The following EYA2 variants were observed in gnomAD, a reference collection of about 807,000 sequenced individuals.
EYA2 encodes protein phosphatase EYA2.
A neutral mutation model predicts 69.2 loss-of-function variants in EYA2; 31 were observed. The observed-to-expected ratio is 0.45, with a 90% CI of 0.34 to 0.60. EYA2 has a LOEUF of 0.60. EYA2 is among the 20% of genes least tolerant of loss of function. The probability of loss-of-function intolerance (pLI) is 0.02; values close to 1 mark genes in which losing one functional copy is unlikely to be tolerated. For synonymous variants in EYA2, 257 were observed against 279.4 expected, an observed-to-expected ratio of 0.92 and a Z score of 0.80; for missense variants, 622 against 701.2, an observed-to-expected ratio of 0.89 and a Z score of 1.28.
chr20:46,957,522 G>T (rs2146283275), intron 1 of EYA2, among the ~76,000 whole-genome samples: 1 of 129,996 alleles, frequency 7.7e-6, no homozygotes, highest in Non-Finnish European at 1.6e-5. Context: ...AGAGGCAGAA[G>T]GAGATTTCAC....
chr20:47,122,534 G>C (rs2033081678), intron 9 of EYA2, among the ~76,000 whole-genome samples: 1 of 151,776 alleles, frequency 6.6e-6, no homozygotes, highest in Non-Finnish European at 1.5e-5. Flanking sequence ...TCCTGACCTC[G>C]TGATCCACCT....
intron 15 of EYA2, 101 bp from the exon 16 acceptor site, chr20:47,187,952 G>T (rs1228803424): frequency 7.8e-7 from 1 of 1,286,936 alleles, no homozygotes; most frequent in Non-Finnish European, 1.1e-6. Context: ...CCACGTGCTA[G>T]ACTTAACTGG....
intron 10 of EYA2, chr20:47,161,108 A>G (rs1400310622): frequency 3.1e-6 from 1 of 321,458 alleles, no homozygotes; most frequent in Non-Finnish European, 5.8e-6. Flanking sequence ...GGGCATGGGG[A>G]CCGAGATGAT....
intron 4 of EYA2, among the ~76,000 whole-genome samples, chr20:47,015,241 A>G (rs981482101): frequency 5.3e-5 from 8 of 152,170 alleles, no homozygotes; most frequent in Non-Finnish European, 8.8e-5. Flanking sequence ...ATTTTCTACA[A>G]TGCATTCATT....
intron 1 of EYA2, among the ~76,000 whole-genome samples, chr20:46,972,309 T>C (rs1980191883): frequency 6.6e-6 from 1 of 152,054 alleles, no homozygotes; most frequent in African/African-American, 2.4e-5. Context: ...TTAAGTGTTA[T>C]ATTAGGTCAT....
chr20:46,945,056 A>T (rs1438161153), intron 1 of EYA2, among the ~76,000 whole-genome samples: 1 of 151,528 alleles, frequency 6.6e-6, no homozygotes, highest in Non-Finnish European at 1.5e-5. Context: ...GTGAGCCTAG[A>T]TCAAGCCACT....
chr20:47,161,957 C>T (rs559612071), intron 10 of EYA2, among the ~76,000 whole-genome samples: 1 of 152,324 alleles, frequency 6.6e-6, no homozygotes, highest in African/African-American at 2.4e-5. Flanking sequence ...GAGAAACTTA[C>T]TGTCCCACAG....
chr20:47,119,877 G>A (rs532923914), intron 9 of EYA2, among the ~76,000 whole-genome samples: 1 of 152,126 alleles, frequency 6.6e-6, no homozygotes, highest in African/African-American at 2.4e-5. Context: ...GACCAGCCTG[G>A]GCAACATAGT....
intron 14 of EYA2, among the ~76,000 whole-genome samples, chr20:47,182,392 A>C (rs8123207): frequency 0.55 from 81,638 of 147,572 alleles, 24,442 homozygotes; most frequent in African/African-American, 0.81. Context: ...CTTTGGGAGG[A>C]CGAGGCAGGT....
rs180842361 is a variant in EYA2, at chr20:47,037,617, G to C, written c.415+21320G>C. On this transcript the variant is annotated intron_variant, in intron 5 of 15. Transcript: ENST00000327619. Reference sequence around the variant, plus strand: ...CCTCTAGGGGAGCATCTGTTCCCTTGCCTTTTCCAACCTCCCAAGGCTGCC... The same window carrying C: ...CCTCTAGGGGAGCATCTGTTCCCTTCCCTTTTCCAACCTCCCAAGGCTGCC... 3.3e-3 allele frequency among the ~76,000 whole-genome samples: 496 copies of C among 152,216 alleles called. 6 individuals are homozygous for C. Among genetic ancestry groups the C allele is most frequent in the African/African-American group, 0.011 (450 of 41,526 alleles).
chr20:47,125,291 G>A (rs1380041604), intron 9 of EYA2, among the ~76,000 whole-genome samples: 5 of 151,954 alleles, frequency 3.3e-5, no homozygotes, highest in African/African-American at 9.6e-5. Flanking sequence ...TCCTGACCTC[G>A]TGATCCGCCC....
intron 10 of EYA2, chr20:47,161,715 G>A (rs114698599): frequency 0.015 from 2,872 of 192,898 alleles, 98 homozygotes; most frequent in African/African-American, 0.064. Context: ...CCCAAAACCG[G>A]ATGTTTTCTT....
chr20:47,094,258 T>C (rs1390708783), intron 8 of EYA2, among the ~76,000 whole-genome samples: 1 of 152,258 alleles, frequency 6.6e-6, no homozygotes, highest in Non-Finnish European at 1.5e-5. Context: ...AATTTCTAAA[T>C]TTAATTTCCT....
chr20:47,040,304 ACT>A (rs1240486367), intron 5 of EYA2, among the ~76,000 whole-genome samples: 1 of 152,212 alleles, frequency 6.6e-6, no homozygotes, highest in Non-Finnish European at 1.5e-5. Flanking sequence ...GTTTGCAAAT[ACT>A]GTTCCATAAA....
chr20:47,160,960 G>GGAC (rs1300554855), intron 10 of EYA2: 1 of 285,772 alleles, frequency 3.5e-6, no homozygotes, highest in African/African-American at 2.3e-5. Context: ...GGTGAATACA[G>GGAC]TCTCCTTCCA....
chr20:47,184,494 T>C (rs1053694308), intron 15 of EYA2, among the ~76,000 whole-genome samples: 3 of 149,880 alleles, frequency 2.0e-5, no homozygotes, highest in Non-Finnish European at 4.4e-5. Flanking sequence ...CTCAGCTTAC[T>C]GCAGCCTCTA....
intron 1 of EYA2, among the ~76,000 whole-genome samples, chr20:46,925,166 T>A (rs1396282914): frequency 1.3e-5 from 2 of 152,206 alleles, no homozygotes; most frequent in Non-Finnish European, 2.9e-5. Context: ...AGGACCCATA[T>A]AACTCCAATA....
chr20:47,092,293 C>T (rs2032109152), intron 8 of EYA2, among the ~76,000 whole-genome samples: 1 of 152,144 alleles, frequency 6.6e-6, no homozygotes, highest in African/African-American at 2.4e-5. Flanking sequence ...CAAGTGTTCC[C>T]ACTGTTCCTG....
intron 1 of EYA2, among the ~76,000 whole-genome samples, chr20:46,921,758 C>G (rs1451325191): frequency 1.3e-5 from 2 of 152,216 alleles, no homozygotes; most frequent in African/African-American, 2.4e-5. Context: ...GCAAAAGATT[C>G]CCAATGACCT....
Sources: allele counts gnomAD v4.1 joint callset (sites outside exome capture counted in the v4.1 genomes callset), GRCh38; gene constraint gnomAD v4.1.1; transcripts MANE v1.5; gene names NCBI Gene and HGNC (gene_info 2026-07-23, HGNC 2026-07-21).